ABCA12: variants seen among roughly 807,000 people sequenced by gnomAD.
ABCA12 encodes ATP binding cassette subfamily A member 12.
ABCA12 carries 156 observed loss-of-function variants against 293.5 expected under a neutral mutation model. That is an observed-to-expected ratio of 0.53 (90% confidence interval 0.47 to 0.61). The LOEUF is 0.61. Among genes scored for constraint, ABCA12 ranks in the 20% least tolerant of loss-of-function variants. The pLI is 0.00. For synonymous variants in ABCA12, 1,063 were observed against 1,108.0 expected (o/e 0.96, Z 0.81); for missense variants, 2,797 against 3,090.2 (o/e 0.91, Z 2.25).
chr2:215,081,791 G>A lies in ABCA12; in HGVS notation c.164-17572C>T, dbSNP rs111511847. Among the ~76,000 whole-genome samples the A allele has an allele frequency of 4.4e-3, 672 of 152,096 alleles. 5 individuals are homozygous for A. Among genetic ancestry groups the A allele is most frequent in the Non-Finnish European group, 6.5e-3 (444 of 67,988 alleles). On this transcript the variant is annotated intron_variant, in intron 2 of 52. Coordinates refer to ENST00000272895, the MANE Select transcript of ABCA12 (RefSeq NM_173076.3). Reference sequence around the variant, plus strand: ...AGCCCAGGAGAGAATGTCAGGACAGGGAACAGAAAGAGACCTGGAAGACAA... The same window carrying A: ...AGCCCAGGAGAGAATGTCAGGACAGAGAACAGAAAGAGACCTGGAAGACAA...
intron 18 of ABCA12, 45 bp downstream of exon 18, chr2:215,010,286 A>C (rs969391153): frequency 6.2e-7 from 1 of 1,610,066 alleles, no homozygotes; most frequent in Non-Finnish European, 8.5e-7. Context: ...TACTTTAAAA[A>C]ACATCTTAAT....
intron 2 of ABCA12, among the ~76,000 whole-genome samples, chr2:215,083,191 G>A (rs760543800): frequency 6.6e-6 from 1 of 152,182 alleles, no homozygotes; most frequent in Non-Finnish European, 1.5e-5. Context: ...TTGTTACTGA[G>A]ATGTGTAAGA....
At chr2:215,024,859 A>T (rs1396081629) in intron 11 of ABCA12, among the ~76,000 whole-genome samples, 2 of 152,184 alleles carry the variant, frequency 1.3e-5, no homozygotes, top group Non-Finnish European at 2.9e-5. Context: ...TTTCATGATA[A>T]CCTGTATACT....
intron 2 of ABCA12, among the ~76,000 whole-genome samples, chr2:215,079,049 C>T (rs531310141): frequency 1.1e-4 from 17 of 152,276 alleles, no homozygotes; most frequent in Non-Finnish European, 2.1e-4. Flanking sequence ...TCAGTAGCCC[C>T]TTCTGTGTCT....
chr2:214,981,957 A>T lies in ABCA12; in HGVS notation c.4579+230T>A, dbSNP rs75967117. Among the ~76,000 whole-genome samples, 934 of 123,354 alleles carry T rather than the reference A, an allele frequency of 7.6e-3. 8 individuals carry two copies. The highest frequency in any genetic ancestry group is 0.035 in the Middle Eastern group (8 of 228). The allele number at this position is 123,354 out of a possible 152,430, so 80.9% of individuals were successfully genotyped here. ...GTCAGCTGTTTTTATTATTATTATTATTATTATTATTATTATTATTATTAT... is the reference window on the plus strand; with the variant it reads ...GTCAGCTGTTTTTATTATTATTATTTTTATTATTATTATTATTATTATTAT... On this transcript the variant is annotated intron_variant, in intron 30 of 52. Coordinates refer to ENST00000272895, the MANE Select transcript of ABCA12 (RefSeq NM_173076.3).
intron 39 of ABCA12, 24 bp from the exon 40 acceptor site, chr2:214,959,102 A>G: frequency 6.3e-7 from 1 of 1,595,204 alleles, no homozygotes; most frequent in Non-Finnish European, 8.6e-7. Flanking sequence ...CAGTTCTTCT[A>G]TTAGTAGGTA....
chr2:215,001,491 C>T (rs1027633916), intron 21 of ABCA12, 67 bp downstream of exon 21: 1 of 1,599,350 alleles, frequency 6.3e-7, no homozygotes, highest in African/African-American at 1.3e-5. Flanking sequence ...GGATGAAAGA[C>T]ATGAGGAAAG....
At chr2:215,111,862 G>T (rs756882587) in intron 1 of ABCA12, among the ~76,000 whole-genome samples, 172 bp from the exon 2 acceptor site, 5 of 152,076 alleles carry the variant, frequency 3.3e-5, no homozygotes, top group Non-Finnish European at 5.9e-5. Context: ...ATATGTAAAA[G>T]ACCTGTAAAT....
intron 2 of ABCA12, among the ~76,000 whole-genome samples, chr2:215,107,305 G>A (rs1702483024): frequency 6.6e-6 from 1 of 152,180 alleles, no homozygotes; most frequent in African/African-American, 2.4e-5. Context: ...GTAGAGATTT[G>A]TGCTGTTTTG....
At chr2:215,050,697 G>T in intron 5 of ABCA12, 1 of 749,906 alleles carries the variant, frequency 1.3e-6, no homozygotes, top group Non-Finnish European at 1.6e-6. Context: ...AAAAGTAATG[G>T]AACAAGACAG....
intron 21 of ABCA12, 88 bp from the exon 22 acceptor site, chr2:215,001,108 A>G: frequency 7.6e-7 from 1 of 1,307,878 alleles, no homozygotes; most frequent in South Asian, 1.2e-5. Context: ...GGGACAGCCA[A>G]ACAGTCAATT....
intron 9 of ABCA12, among the ~76,000 whole-genome samples, chr2:215,030,893 T>A (rs1700863709): frequency 1.3e-5 from 2 of 152,236 alleles, no homozygotes; most frequent in South Asian, 4.1e-4. Context: ...TTTGTTTTTT[T>A]ATTTGTATAG....
chr2:214,991,969 C>A (rs1371860005), intron 23 of ABCA12, among the ~76,000 whole-genome samples: 1 of 151,988 alleles, frequency 6.6e-6, no homozygotes, highest in African/African-American at 2.4e-5. Context: ...CACCATGGCA[C>A]GTGTATACCT....
At position 215,049,498 on chromosome 2, in the gene ABCA12, T is replaced by C. The variant is rs1344994258; in HGVS notation, c.693+128A>G. On this transcript the variant is annotated intron_variant, in intron 6 of 52. Coordinates refer to ENST00000272895, the MANE Select transcript of ABCA12 (RefSeq NM_173076.3). ...CTTAAGATTAAACTTTGTGTGCAAA[T>C]GTCTATGTGAGGAAAACATGCCTAA... 5.5e-6 allele frequency: 5 copies of C among 907,024 alleles called. No individual in the cohort carries two copies. In the African/African-American group the frequency reaches 6.7e-5, roughly 12 times the overall value. 56.2% of individuals were successfully genotyped at this position (907,024 alleles called of 1,614,324 possible). A position where few individuals can be genotyped will look rare whatever the true frequency, so the allele number is the denominator to read the frequency against.
chr2:214,981,055 C>T (rs1213951200), intron 30 of ABCA12, among the ~76,000 whole-genome samples: 1 of 148,868 alleles, frequency 6.7e-6, no homozygotes, highest in African/African-American at 2.5e-5. Flanking sequence ...CACTGCACTC[C>T]AGCCTGGGTG....
chr2:215,058,464 A>G (rs16853280), intron 3 of ABCA12, among the ~76,000 whole-genome samples: 5,464 of 152,118 alleles, frequency 0.036, 307 homozygotes, highest in African/African-American at 0.12. Context: ...TAAAAATCCT[A>G]TTCAGGAACT....
intron 21 of ABCA12, 146 bp downstream of exon 21, chr2:215,001,412 A>G (rs1305475246): frequency 1.1e-6 from 1 of 924,488 alleles, no homozygotes; most frequent in Non-Finnish European, 1.7e-6. Flanking sequence ...TTGGTTGCCT[A>G]CATGAAAGGT....
In ABCA12 at chr2:215,031,826, A is replaced by G. The variant is rs1032810169; in HGVS notation, c.1056T>C (p.Ala352=). 1 of 1,613,902 alleles carries G rather than the reference A, an allele frequency of 6.2e-7. No homozygotes were observed. Among genetic ancestry groups the G allele is most frequent in the Non-Finnish European group, 8.5e-7 (1 of 1,179,960 alleles). ...DGQTLSPSSL[A]AQLLILENFE... is the part of the protein sequence containing the mutation. ...AGAAATAAACAAAGACTTACTGTGC[A>G]GCCAGACTGCTTGGAGATAAGGTCT... Residue 352 remains alanine, a synonymous_variant, in exon 9 of 53, where the codon GCT becomes GCC. Coordinates refer to ENST00000272895, the MANE Select transcript of ABCA12 (RefSeq NM_173076.3).
intron 15 of ABCA12, among the ~76,000 whole-genome samples, chr2:215,015,169 TA>T (rs1559147180): frequency 8.7e-6 from 1 of 115,102 alleles, no homozygotes; most frequent in East Asian, 2.5e-4. Context: ...GTTAAAAAAA[TA>T]ATAATTGCAA....
Sources: gnomAD v4.1 joint callset for allele counts (sites outside exome capture counted in the v4.1 genomes callset) on GRCh38, gnomAD v4.1.1 for gene constraint, MANE v1.5 for transcripts, NCBI Gene and HGNC (gene_info 2026-07-23, HGNC 2026-07-21) for gene names.